The following TENM4 variants were observed in gnomAD, a reference collection of about 807,000 sequenced individuals.
The protein encoded by TENM4 is teneurin transmembrane protein 4, also known as teneurin-4.
TENM4 carries 82 observed loss-of-function variants against 243.3 expected under a neutral mutation model. The ratio of observed to expected loss-of-function variants is 0.34; its 90% CI spans 0.28 to 0.40. TENM4 has a LOEUF of 0.40. Among genes scored for constraint, TENM4 ranks in the 10% least tolerant of loss-of-function variants. The pLI, the probability that TENM4 is intolerant of heterozygous loss-of-function variation, is 1.00. For missense variants in TENM4, 3,138 were observed against 3,673.3 expected, an observed-to-expected ratio of 0.85 and a Z score of 3.77; for synonymous variants, 1,412 against 1,456.3, an observed-to-expected ratio of 0.97 and a Z score of 0.69.
Position 78,726,736 on chromosome 11 carries a change from C to T in TENM4, c.3407-514G>A, listed in dbSNP as rs530155511. Reference sequence around the variant, plus strand: ...CCTCCTCCCACCACCCCAGGTCCTGCTCCTGCCATGTAAGATGGCTGCTCC... The same window carrying T: ...CCTCCTCCCACCACCCCAGGTCCTGTTCCTGCCATGTAAGATGGCTGCTCC... On this transcript the variant is annotated intron_variant, in intron 22 of 33. Coordinates refer to ENST00000278550, the MANE Select transcript of TENM4 (RefSeq NM_001098816.3). Among the ~76,000 whole-genome samples, 5 of 149,376 alleles carry T rather than the reference C, an allele frequency of 3.3e-5. No individual in the cohort carries two copies. The South Asian group carries it at 1.0e-3, about 31-fold the overall frequency.
intron 6 of TENM4, among the ~76,000 whole-genome samples, chr11:79,002,640 A>T (rs1182413087): frequency 6.6e-6 from 1 of 152,234 alleles, no homozygotes; most frequent in African/African-American, 2.4e-5. Context: ...ATAAAATCAA[A>T]AAAACCCATT....
chr11:79,315,731 C>T (rs1856792646), intron 1 of TENM4, among the ~76,000 whole-genome samples: 2 of 152,186 alleles, frequency 1.3e-5, no homozygotes, highest in African/African-American at 2.4e-5. Flanking sequence ...TGCTCAAAGC[C>T]AGTGTTTTGA....
At chr11:78,778,710 C>T in intron 16 of TENM4, 82 bp from the exon 17 acceptor site, 3 of 1,337,632 alleles carry the variant, frequency 2.2e-6, no homozygotes, top group South Asian at 2.5e-5. Context: ...CCAGATGCTA[C>T]ACAGACAAAG....
rs544900788 is a variant in TENM4 at position 79,375,746 on chromosome 11, G to T, written c.-321+64763C>A. On this transcript the variant is annotated intron_variant, in intron 1 of 33. Transcript: ENST00000278550. ...TCAAAGCTGTATAAATGCAATAAAA[G>T]AAGTGACCTTTAAGAGGAGACCTGA... Among the ~76,000 whole-genome samples the T allele has an allele frequency of 7.6e-4, 116 of 152,300 alleles. 3 individuals carry two copies. The South Asian group carries it at 0.023, about 31-fold the overall frequency.
chr11:78,863,085 G>A lies in TENM4; in HGVS notation c.1132C>T (p.Gln378Ter). ...LNWHLQPMEG[Q>*]MYEITEDTAS... Reference sequence around the variant, plus strand: ...GTGTCCTCCGTGATCTCATACATCTGCCCCTCCATCGGCTGCAGGTGCCAG... The same window carrying A: ...GTGTCCTCCGTGATCTCATACATCTACCCCTCCATCGGCTGCAGGTGCCAG... Residue 378 changes from glutamine (Q) to a stop codon, truncating the protein, a stop_gained, in exon 10 of 34, where the codon CAG becomes TAG. Coordinates refer to ENST00000278550, the MANE Select transcript of TENM4 (RefSeq NM_001098816.3). LOFTEE classifies it high-confidence loss of function. 1 of 1,532,426 alleles carries A rather than the reference G, an allele frequency of 6.5e-7. No homozygotes were observed. The highest frequency in any genetic ancestry group is 8.8e-7 in the Non-Finnish European group (1 of 1,132,782). The allele number at this position is 1,532,426 out of a possible 1,614,324, so 94.9% of individuals were successfully genotyped here.
chr11:79,366,136 T>C (rs946481785), intron 1 of TENM4, among the ~76,000 whole-genome samples: 5 of 152,332 alleles, frequency 3.3e-5, no homozygotes, highest in African/African-American at 1.2e-4. Flanking sequence ...ATAGGTTGTA[T>C]TCTTTCCACG....
chr11:78,933,477 G>C (rs1242685757), intron 6 of TENM4, among the ~76,000 whole-genome samples: 1 of 152,178 alleles, frequency 6.6e-6, no homozygotes, highest in African/African-American at 2.4e-5. Context: ...AAGGTTGGCT[G>C]CCCACATTTT....
At chr11:78,833,684 C>T (rs758572925) in intron 12 of TENM4, among the ~76,000 whole-genome samples, 2 of 152,220 alleles carry the variant, frequency 1.3e-5, no homozygotes, top group Admixed American at 6.5e-5. Flanking sequence ...GGACCCCCTT[C>T]CTTGGCTTAC....
intron 12 of TENM4, among the ~76,000 whole-genome samples, chr11:78,842,774 G>T (rs1392743591): frequency 6.6e-6 from 1 of 152,234 alleles, no homozygotes; most frequent in South Asian, 2.1e-4. Context: ...CACTAACTGG[G>T]TATTTAACTT....
At chr11:78,823,340 G>A (rs1857778861) in intron 12 of TENM4, among the ~76,000 whole-genome samples, 1 of 152,212 alleles carries the variant, frequency 6.6e-6, no homozygotes, top group South Asian at 2.1e-4. Context: ...GGACCCGGCT[G>A]AGCACCTGAC....
At chr11:78,851,665 G>A (rs1272718105) in intron 12 of TENM4, among the ~76,000 whole-genome samples, 2 of 152,078 alleles carry the variant, frequency 1.3e-5, no homozygotes, top group African/African-American at 2.4e-5. Context: ...GCACCACCAC[G>A]ACTTGATGAT....
chr11:78,691,220 G>A (rs1590941681), intron 28 of TENM4, among the ~76,000 whole-genome samples: 1 of 152,230 alleles, frequency 6.6e-6, no homozygotes, highest in Admixed American at 6.5e-5. Context: ...GAACAGGTCT[G>A]TGGAGTCTGT....
intron 6 of TENM4, among the ~76,000 whole-genome samples, chr11:79,047,978 A>G (rs1859701006): frequency 1.3e-5 from 2 of 152,184 alleles, no homozygotes; most frequent in Non-Finnish European, 2.9e-5. Flanking sequence ...TATTTTCATT[A>G]TTATTTTTCC....
chr11:78,790,722 A>T (rs778530234), intron 15 of TENM4, among the ~76,000 whole-genome samples: 15 of 152,212 alleles, frequency 9.9e-5, no homozygotes, highest in Non-Finnish European at 1.8e-4. Context: ...CAGGCAAGGA[A>T]CACTGACCTG....
chr11:79,283,633 T>C (rs750457276), intron 2 of TENM4, among the ~76,000 whole-genome samples: 1 of 152,140 alleles, frequency 6.6e-6, no homozygotes, highest in African/African-American at 2.4e-5. Flanking sequence ...CTAAAAGCTT[T>C]CCCCCTAAGA....
intron 20 of TENM4, 65 bp downstream of exon 20, chr11:78,738,386 C>A: frequency 6.4e-7 from 1 of 1,554,944 alleles, no homozygotes; most frequent in Non-Finnish European, 8.7e-7. Context: ...AGTCCAGCAG[C>A]AGCTATATGG....
At chr11:78,959,936 C>T (rs1386339028) in intron 6 of TENM4, among the ~76,000 whole-genome samples, 2 of 151,878 alleles carry the variant, frequency 1.3e-5, no homozygotes, top group African/African-American at 4.8e-5. Flanking sequence ...TACACATATA[C>T]ACACACACAC....
chr11:78,863,733 G>T (rs531424838), intron 9 of TENM4, among the ~76,000 whole-genome samples: 2 of 152,316 alleles, frequency 1.3e-5, no homozygotes, highest in South Asian at 2.1e-4. Context: ...TTTTACTGGT[G>T]TGAGAATATA....
At chr11:78,756,537 C>T (rs1856309132) in intron 19 of TENM4, 4 of 445,646 alleles carry the variant, frequency 9.0e-6, no homozygotes, top group African/African-American at 2.0e-5. Context: ...CAAGATTCCC[C>T]TTGGACCTTT....
Sources: gnomAD v4.1 joint callset for allele counts (sites outside exome capture counted in the v4.1 genomes callset) on GRCh38, gnomAD v4.1.1 for gene constraint, MANE v1.5 for transcripts, NCBI Gene and HGNC (gene_info 2026-07-23, HGNC 2026-07-21) for gene names.